The following MED13L variants were observed in gnomAD, a reference collection of about 807,000 sequenced individuals.
MED13L encodes the protein mediator of RNA polymerase II transcription subunit 13-like.
Under a neutral mutation model 220.9 loss-of-function variants are expected in MED13L, and 7 were observed. The observed-to-expected ratio is 0.03, with a 90% confidence interval of 0.02 to 0.06. MED13L has a LOEUF of 0.06. MED13L is among the 10% of genes least tolerant of loss of function. The probability of loss-of-function intolerance (pLI) is 1.00; values close to 1 mark genes in which losing one functional copy is unlikely to be tolerated. For missense variants in MED13L, 1,965 were observed against 2,760.5 expected (o/e 0.71, Z 6.46); for synonymous variants, 1,011 against 1,015.2 (o/e 1.00, Z 0.08).
chr12:115,976,019 G>A (rs1876912195), intron 23 of MED13L, among the ~76,000 whole-genome samples: 1 of 152,054 alleles, frequency 6.6e-6, no homozygotes, highest in Non-Finnish European at 1.5e-5. Flanking sequence ...TAGTTGTTAG[G>A]CAAGTGGGAA....
intron 1 of MED13L, among the ~76,000 whole-genome samples, chr12:116,251,641 G>C (rs1194263698): frequency 6.6e-6 from 1 of 151,128 alleles, no homozygotes; most frequent in African/African-American, 2.4e-5. Flanking sequence ...GGCGCCCATA[G>C]TCCCAGCTAC....
At chr12:116,007,236 C>CA in intron 11 of MED13L, 175 bp downstream of exon 11, 1 of 668,698 alleles carries the variant, frequency 1.5e-6, no homozygotes. Context: ...TGAGCCATGA[C>CA]ATAAAAAGGA....
chr12:116,202,133 A>AAAATATTT (rs2138313632), intron 2 of MED13L, among the ~76,000 whole-genome samples: 1 of 152,308 alleles, frequency 6.6e-6, no homozygotes, highest in East Asian at 1.9e-4. Context: ...GCATTTTACA[A>AAAATATTT]AAATAATCAG....
chr12:116,024,842 T>C (rs559940930), intron 4 of MED13L, among the ~76,000 whole-genome samples: 1 of 149,160 alleles, frequency 6.7e-6, no homozygotes, highest in Admixed American at 6.8e-5. Context: ...CCTCTGCATG[T>C]AGAAATCCAA....
intron 2 of MED13L, among the ~76,000 whole-genome samples, chr12:116,163,256 C>T (rs1190667860): frequency 6.6e-6 from 1 of 151,910 alleles, no homozygotes; most frequent in Non-Finnish European, 1.5e-5. Flanking sequence ...AAGCTAATTG[C>T]ACTATCATCC....
Position 116,007,646 on chromosome 12 carries a change from A to AT in MED13L, c.2013-11_2013-10insA. The AT allele has an allele frequency of 1.8e-6, 1 of 561,576 alleles. No homozygotes were observed. Among genetic ancestry groups the AT allele is most frequent in the South Asian group, 2.7e-5 (1 of 37,212 alleles). 34.8% of individuals were successfully genotyped at this position (561,576 alleles called of 1,614,324 possible). A position where few individuals can be genotyped will look rare whatever the true frequency, so the allele number is the denominator to read the frequency against. On this transcript the variant is annotated splice_polypyrimidine_tract_variant and intron_variant, in intron 10 of 30. Coordinates refer to ENST00000281928, the MANE Select transcript of MED13L (RefSeq NM_015335.5). ...AGGTTGTGCTAAGAGTCTAAAAGAC[A>AT]AAAAAAAAAAAAAAAAAAAGAGCAT...
intron 2 of MED13L, among the ~76,000 whole-genome samples, chr12:116,213,253 G>T (rs142766287): frequency 1.3e-5 from 2 of 152,138 alleles, no homozygotes; most frequent in African/African-American, 4.8e-5. Flanking sequence ...AGAGGGGAGG[G>T]AGGGAAAACA....
At position 116,168,611 on chromosome 12, in the gene MED13L, T is replaced by C. The variant is rs117084676; in HGVS notation, c.311-57099A>G. Among the ~76,000 whole-genome samples the C allele has an allele frequency of 5.6e-3, 849 of 152,164 alleles. 8 individuals carry two copies. Among genetic ancestry groups the C allele is most frequent in the Admixed American group, 0.018 (273 of 15,274 alleles). ...ATGAGTATTCTAATCAATGAAAAAA[T>C]ATAACCACCCCACTGTCCATTAACA... On this transcript the variant is annotated intron_variant, in intron 2 of 30. Transcript: ENST00000281928.
chr12:115,997,044 T>C lies in MED13L; in HGVS notation c.2756A>G (p.Asp919Gly). Residue 919 changes from aspartate (D) to glycine (G), a missense_variant, in exon 15 of 31, where the codon GAT becomes GGT. Coordinates refer to ENST00000281928, the MANE Select transcript of MED13L (RefSeq NM_015335.5). Reference sequence around the variant, plus strand: ...CTCGGGCTTGGGACTTCCTAATCCATCTTCCACTTCCATTTTGAATTCTGT... The same window carrying C: ...CTCGGGCTTGGGACTTCCTAATCCACCTTCCACTTCCATTTTGAATTCTGT... ...QLTEFKMEVE[D>G]GLGSPKPEEI... 6.2e-7 allele frequency: 1 copy of C among 1,614,140 alleles called. No individual in the cohort carries two copies. The highest frequency in any genetic ancestry group is 1.1e-5 in the South Asian group (1 of 91,082).
chr12:116,262,618 C>T (rs1872589007), intron 1 of MED13L, among the ~76,000 whole-genome samples: 1 of 152,222 alleles, frequency 6.6e-6, no homozygotes. Flanking sequence ...AAACCACTAA[C>T]ACAAGCTACT....
rs1877698598 is a variant in MED13L, at chr12:115,986,486, G to A, written c.4118C>T (p.Ser1373Leu). 1.9e-6 allele frequency: 3 copies of A among 1,613,526 alleles called. No homozygotes were observed. Among genetic ancestry groups the A allele is most frequent in the South Asian group, 1.1e-5 (1 of 91,066 alleles). ...GGGCAACGGCTCAGGAGATTCTTCC[G>A]AACCTAAAATGACATTGTAGTGTAG... ...HKMAGRGTYG[S>L]EESPEPLPIP... Residue 1373 changes from serine (S) to leucine (L), a missense_variant, in exon 19 of 31, where the codon TCG becomes TTG. Ser to Leu is a moderately radical substitution (Grantham distance 145). Transcript: ENST00000281928.
intron 4 of MED13L, among the ~76,000 whole-genome samples, chr12:116,061,634 T>G (rs1869495475): frequency 6.6e-6 from 1 of 152,094 alleles, no homozygotes; most frequent in South Asian, 2.1e-4. Context: ...TCAATGCGCA[T>G]CCCAAATTAC....
chr12:115,990,204 C>G lies in MED13L; in HGVS notation c.3934+816G>C, dbSNP rs575503184. Among the ~76,000 whole-genome samples the G allele has an allele frequency of 5.3e-5, 8 of 152,336 alleles. No individual in the cohort carries two copies. The South Asian group carries it at 1.2e-3, about 24-fold the overall frequency. ...CCTTCCTCAGTTAATGTGTACTCAT[C>G]ATTGAGATCTCTGAGCAAATGTTAC... is the stretch of plus-strand genomic sequence containing the variant. On this transcript the variant is annotated intron_variant, in intron 17 of 30. Coordinates refer to ENST00000281928, the MANE Select transcript of MED13L (RefSeq NM_015335.5).
At chr12:116,093,270 C>A (rs1466392495) in intron 4 of MED13L, among the ~76,000 whole-genome samples, 1 of 151,602 alleles carries the variant, frequency 6.6e-6, no homozygotes, top group Non-Finnish European at 1.5e-5. Context: ...AGGGCAAACC[C>A]AAAGTTGTAT....
rs573632959 is a variant in MED13L at position 115,958,723 on chromosome 12, T to C, written c.*2543A>G. The C allele has an allele frequency of 5.2e-5, 8 of 152,646 alleles. No individual in the cohort carries two copies. The highest frequency in any genetic ancestry group is 1.7e-4 in the African/African-American group (7 of 41,572). 9.5% of individuals were successfully genotyped at this position (152,646 alleles called of 1,614,324 possible). On this transcript the variant is annotated 3_prime_UTR_variant, in exon 31 of 31. Coordinates refer to ENST00000281928, the MANE Select transcript of MED13L (RefSeq NM_015335.5). The stretch of plus-strand genomic sequence containing the variant: ...GTCTTTTAGTGTACTGTACCAGCGC[T>C]ATACTGTAGTTATTTTTTTAAATGA...
chr12:116,195,123 C>T (rs17426844), intron 2 of MED13L, among the ~76,000 whole-genome samples: 19,257 of 152,166 alleles, frequency 0.13, 1,372 homozygotes, highest in South Asian at 0.21. Context: ...TATGTCTTCT[C>T]AGAAACTGAG....
intron 4 of MED13L, among the ~76,000 whole-genome samples, chr12:116,085,699 G>T (rs1871602082): frequency 6.7e-6 from 1 of 149,638 alleles, no homozygotes; most frequent in South Asian, 2.1e-4. Flanking sequence ...TAGGAATGGG[G>T]AAAGGAGAAA....
chr12:116,079,264 CCAGACTGGCAGT>C (rs1309134480), intron 4 of MED13L, among the ~76,000 whole-genome samples: 1 of 151,932 alleles, frequency 6.6e-6, no homozygotes, highest in Non-Finnish European at 1.5e-5. Context: ...GCTCTGTCAC[CCAGACTGGCAGT>C]GGTATAATTA....
intron 1 of MED13L, among the ~76,000 whole-genome samples, chr12:116,251,897 A>T (rs934046833): frequency 1.3e-5 from 2 of 152,108 alleles, no homozygotes; most frequent in Admixed American, 6.5e-5. Context: ...TAAAGGGGCA[A>T]CATTAATATC....
Sources: allele counts gnomAD v4.1 joint callset (sites outside exome capture counted in the v4.1 genomes callset), GRCh38; gene constraint gnomAD v4.1.1; transcripts MANE v1.5; gene names NCBI Gene and HGNC (gene_info 2026-07-23, HGNC 2026-07-21).